Variants in DIS3L2 observed in about 807,000 individuals in gnomAD.
The protein encoded by DIS3L2 is DIS3-like exonuclease 2.
DIS3L2 carries 34 observed loss-of-function variants against 97.5 expected under a neutral mutation model. The ratio of observed to expected loss-of-function variants is 0.35; its 90% CI spans 0.27 to 0.46. The LOEUF is 0.46. DIS3L2 is among the 20% of genes least tolerant of loss of function. The pLI, the probability that DIS3L2 is intolerant of heterozygous loss-of-function variation, is 1.00. For missense variants in DIS3L2, 1,038 were observed against 1,146.0 expected, an observed-to-expected ratio of 0.91 and a Z score of 1.36; for synonymous variants, 435 against 445.2, an observed-to-expected ratio of 0.98 and a Z score of 0.29.
In DIS3L2 at chr2:232,318,397, C is replaced by T. The variant is rs143511752; in HGVS notation, c.1740-11416C>T. ...CTCTGGCCCAGTTGTAAACATCATT[C>T]GTTTGCTTGTCCAGCAAACATTATT... On this transcript the variant is annotated intron_variant, in intron 14 of 20. Coordinates refer to ENST00000325385, the MANE Select transcript of DIS3L2 (RefSeq NM_152383.5). Among the ~76,000 whole-genome samples the T allele has an allele frequency of 6.3e-3, 962 of 152,354 alleles. 8 individuals carry two copies. Among genetic ancestry groups the T allele is most frequent in the Middle Eastern group, 0.017 (5 of 294 alleles).
At chr2:232,122,543 CCT>C (rs1270154869) in intron 6 of DIS3L2, among the ~76,000 whole-genome samples, 2 of 152,042 alleles carry the variant, frequency 1.3e-5, no homozygotes, top group Non-Finnish European at 2.9e-5. Flanking sequence ...ATGGTGAAAC[CCT>C]GTCTCTACTA....
At chr2:232,013,799 C>T (rs1453679703) in intron 1 of DIS3L2, among the ~76,000 whole-genome samples, 1 of 152,148 alleles carries the variant, frequency 6.6e-6, no homozygotes, top group African/African-American at 2.4e-5. Flanking sequence ...CCATCTCTTT[C>T]TCTCCCTTCT....
At chr2:232,115,740 A>G (rs1313903709) in intron 6 of DIS3L2, among the ~76,000 whole-genome samples, 1 of 152,176 alleles carries the variant, frequency 6.6e-6, no homozygotes, top group Non-Finnish European at 1.5e-5. Flanking sequence ...TGCCTTGTGA[A>G]GAAGTTTTGC....
chr2:231,973,933 G>A (rs1362295205), intron 1 of DIS3L2, among the ~76,000 whole-genome samples: 2 of 152,126 alleles, frequency 1.3e-5, no homozygotes, highest in Non-Finnish European at 2.9e-5. Flanking sequence ...AGGGATGTAT[G>A]AGCTGGTTTT....
intron 9 of DIS3L2, among the ~76,000 whole-genome samples, chr2:232,206,371 A>C (rs1692025927): frequency 6.6e-6 from 1 of 152,240 alleles, no homozygotes; most frequent in South Asian, 2.1e-4. Flanking sequence ...GAAGGGTCAC[A>C]TAGGAAATAT....
At chr2:232,119,832 G>A (rs746471612) in intron 6 of DIS3L2, among the ~76,000 whole-genome samples, 3 of 152,178 alleles carry the variant, frequency 2.0e-5, no homozygotes, top group Non-Finnish European at 4.4e-5. Flanking sequence ...GCTTAAAGAG[G>A]AGGGTGACCA....
chr2:232,334,757 G>A lies in DIS3L2; in HGVS notation c.2394+22G>A, dbSNP rs534565680. The A allele has an allele frequency of 2.1e-5, 33 of 1,576,684 alleles. No homozygotes were observed. In the East Asian group the frequency reaches 3.3e-4, roughly 16 times the overall value. The stretch of plus-strand genomic sequence containing the variant: ...CAACGTGAGTGCCCTGGGAGAGCCC[G>A]GGGGCGGGCAGGGCAGCCCAAGCCA... On this transcript the variant is annotated intron_variant, in intron 19 of 20. Coordinates refer to ENST00000325385, the MANE Select transcript of DIS3L2 (RefSeq NM_152383.5).
intron 12 of DIS3L2, among the ~76,000 whole-genome samples, chr2:232,253,609 T>C (rs1240995110): frequency 1.3e-5 from 2 of 151,776 alleles, no homozygotes; most frequent in Non-Finnish European, 2.9e-5. Context: ...ATTGATAAAA[T>C]GAATTCTGAT....
intron 13 of DIS3L2, among the ~76,000 whole-genome samples, chr2:232,274,352 G>A (rs184264352): frequency 1.2e-4 from 19 of 152,252 alleles, no homozygotes; most frequent in Admixed American, 9.2e-4. Flanking sequence ...GCACGTCCTT[G>A]CCCTGCCTCC....
At chr2:232,170,396 T>C (rs1405659052) in intron 9 of DIS3L2, among the ~76,000 whole-genome samples, 1 of 152,206 alleles carries the variant, frequency 6.6e-6, no homozygotes, top group Non-Finnish European at 1.5e-5. Flanking sequence ...TTAGTATTAT[T>C]ATGGAAGTTT....
intron 13 of DIS3L2, among the ~76,000 whole-genome samples, chr2:232,267,817 C>G (rs1232674641): frequency 6.6e-6 from 1 of 152,198 alleles, no homozygotes; most frequent in Non-Finnish European, 1.5e-5. Context: ...CACTTAGGTC[C>G]TTTACAGAGA....
intron 9 of DIS3L2, among the ~76,000 whole-genome samples, chr2:232,169,085 G>A (rs1690906252): frequency 6.6e-6 from 1 of 152,114 alleles, no homozygotes; most frequent in South Asian, 2.1e-4. Context: ...GAAGGAGGGG[G>A]TGCTTGGTGC....
At chr2:231,966,640 C>CCTTTT (rs1692723037) in intron 1 of DIS3L2, among the ~76,000 whole-genome samples, 1 of 70,524 alleles carries the variant, frequency 1.4e-5, no homozygotes, top group Admixed American at 1.4e-4. Context: ...AGTTAAAAAA[C>CCTTTT]ATTTTTTTTT....
At chr2:232,267,574 C>T (rs902954493) in intron 13 of DIS3L2, among the ~76,000 whole-genome samples, 8 of 152,130 alleles carry the variant, frequency 5.3e-5, no homozygotes, top group African/African-American at 1.7e-4. Context: ...GAAAAGGGAG[C>T]TCCCATAACA....
At chr2:231,968,097 A>ATTTT (rs34272468) in intron 1 of DIS3L2, among the ~76,000 whole-genome samples, 1 of 134,664 alleles carries the variant, frequency 7.4e-6, no homozygotes, top group African/African-American at 2.7e-5. Flanking sequence ...CAGATAACTG[A>ATTTT]TTTTTTTTTT....
chr2:232,278,340 G>A (rs989579233), intron 13 of DIS3L2, among the ~76,000 whole-genome samples: 1 of 152,044 alleles, frequency 6.6e-6, no homozygotes, highest in African/African-American at 2.4e-5. Context: ...CTTACATACA[G>A]TAAAATCCAC....
intron 7 of DIS3L2, 25 bp downstream of exon 7, chr2:232,130,744 C>A: frequency 6.2e-7 from 1 of 1,611,826 alleles, no homozygotes; most frequent in Non-Finnish European, 8.5e-7. Flanking sequence ...ATTTTCTCCA[C>A]GTGTCCAAAT....
intron 19 of DIS3L2, chr2:232,335,097 A>G (rs1326642512): frequency 1.3e-5 from 3 of 238,780 alleles, no homozygotes; most frequent in Admixed American, 5.1e-5. Flanking sequence ...AAGACAAGGA[A>G]GAGAGCTGTC....
At chr2:232,067,796 G>A (rs1391085105) in intron 5 of DIS3L2, among the ~76,000 whole-genome samples, 1 of 152,106 alleles carries the variant, frequency 6.6e-6, no homozygotes, top group African/African-American at 2.4e-5. Context: ...TTTATTAGGT[G>A]CATATACATT....
Sources: gnomAD v4.1 joint callset for allele counts (sites outside exome capture counted in the v4.1 genomes callset) on GRCh38, gnomAD v4.1.1 for gene constraint, MANE v1.5 for transcripts, NCBI Gene and HGNC (gene_info 2026-07-23, HGNC 2026-07-21) for gene names.